Variants in SYTL3 observed in about 807,000 individuals in gnomAD.
The protein encoded by SYTL3 is synaptotagmin like 3, also known as synaptotagmin-like protein 3.
Under a neutral mutation model 82.1 loss-of-function variants are expected in SYTL3, and 88 were observed. The ratio of observed to expected loss-of-function variants is 1.07; its 90% confidence interval spans 0.90 to 1.28. The LOEUF is 1.28. Among genes scored for constraint, SYTL3 ranks in the 50% most tolerant of loss-of-function variants. The pLI is 0.00. For synonymous variants in SYTL3, 311 were observed against 289.4 expected (o/e 1.07, Z -0.76); for missense variants, 831 against 757.6 (o/e 1.10, Z -1.14).
intron 9 of SYTL3, among the ~76,000 whole-genome samples, chr6:158,717,836 C>T (rs896828400): frequency 3.9e-5 from 6 of 152,164 alleles, no homozygotes; most frequent in Admixed American, 3.9e-4. Flanking sequence ...CTGACCATGG[C>T]CTGGGTGGCC....
At chr6:158,697,670 A>G (rs1300608394) in intron 6 of SYTL3, among the ~76,000 whole-genome samples, 1 of 151,204 alleles carries the variant, frequency 6.6e-6, no homozygotes, top group Non-Finnish European at 1.5e-5. Flanking sequence ...CATCTAGAAT[A>G]TATAGAGAGC....
intron 12 of SYTL3, 83 bp from the exon 13 acceptor site, chr6:158,751,845 T>G: frequency 9.8e-7 from 1 of 1,020,696 alleles, no homozygotes; most frequent in Non-Finnish European, 1.4e-6. Flanking sequence ...AACGCTGGCA[T>G]GTGGGTTCTC....
chr6:158,736,653 T>G (rs1374060839), intron 11 of SYTL3, among the ~76,000 whole-genome samples: 1 of 151,906 alleles, frequency 6.6e-6, no homozygotes, highest in Non-Finnish European at 1.5e-5. Flanking sequence ...CCAGGCATGG[T>G]GGCAGGTGCC....
Position 158,693,844 on chromosome 6 carries a change from C to CTTTTACTTTTTTTTTTTTTTTTTTTT in SYTL3, c.394+10859_394+10860insACTTTTTTTTTTTTTTTTTTTTTTTT, listed in dbSNP as rs763990639. Among the ~76,000 whole-genome samples the CTTTTACTTTTTTTTTTTTTTTTTTTT allele has an allele frequency of 1.8e-3, 102 of 55,578 alleles. 7 individuals carry two copies. Among genetic ancestry groups the CTTTTACTTTTTTTTTTTTTTTTTTTT allele is most frequent in the Middle Eastern group, 8.6e-3 (1 of 116 alleles). 36.5% of individuals were successfully genotyped at this position (55,578 alleles called of 152,430 possible). On this transcript the variant is annotated intron_variant, in intron 6 of 17. Coordinates refer to ENST00000611299, the MANE Select transcript of SYTL3 (RefSeq NM_001242394.2). ...AGGTGTGCCACTGCATCCAGCCTTT[C>CTTTTACTTTTTTTTTTTTTTTTTTTT]TTTTTCTTTTCTTTTTTTTTTTTTT... is the stretch of plus-strand genomic sequence containing the variant.
chr6:158,649,230 G>A (rs986872683), upstream of SYTL3, among the ~76,000 whole-genome samples: 7 of 152,196 alleles, frequency 4.6e-5, no homozygotes, highest in Non-Finnish European at 1.5e-5. Context: ...TAGGTTAGCT[G>A]CAGAAACAAA....
In SYTL3 at chr6:158,764,661, A is replaced by C. The variant is rs544118222; in HGVS notation, c.*57A>C. 6.2e-6 allele frequency: 8 copies of C among 1,281,504 alleles called. No individual in the cohort carries two copies. The East Asian group carries it at 1.9e-4, about 30-fold the overall frequency. 79.4% of individuals were successfully genotyped at this position (1,281,504 alleles called of 1,614,324 possible). A position where few individuals can be genotyped will look rare whatever the true frequency, so the allele number is the denominator to read the frequency against. Reference sequence around the variant, plus strand: ...GGCGTGAGGCACTGTGCGTCTGCAGAGGGGCTACGAACCAGGTGCAGGGTC... The same window carrying C: ...GGCGTGAGGCACTGTGCGTCTGCAGCGGGGCTACGAACCAGGTGCAGGGTC... On this transcript the variant is annotated 3_prime_UTR_variant, in exon 18 of 18. Coordinates refer to ENST00000611299, the MANE Select transcript of SYTL3 (RefSeq NM_001242394.2).
chr6:158,763,031 C>T (rs1189966451), intron 16 of SYTL3, among the ~76,000 whole-genome samples: 1 of 152,206 alleles, frequency 6.6e-6, no homozygotes, highest in African/African-American at 2.4e-5. Context: ...TAACGTGTAT[C>T]TGCAGTCATG....
At chr6:158,671,815 A>G (rs2128384402) in intron 5 of SYTL3, among the ~76,000 whole-genome samples, 1 of 151,810 alleles carries the variant, frequency 6.6e-6, no homozygotes, top group South Asian at 2.1e-4. Context: ...TATTATCTAT[A>G]TGTTATACAG....
intron 6 of SYTL3, among the ~76,000 whole-genome samples, chr6:158,694,435 C>T (rs1780345761): frequency 6.6e-6 from 1 of 151,966 alleles, no homozygotes. Flanking sequence ...ACTGGGACCA[C>T]AGGTGCACAC....
At chr6:158,764,230 A>C (rs1189348686) in intron 17 of SYTL3, among the ~76,000 whole-genome samples, 1 of 152,180 alleles carries the variant, frequency 6.6e-6, no homozygotes, top group Non-Finnish European at 1.5e-5. Context: ...CCAGCCCACC[A>C]AACCAGAGTC....
At chr6:158,764,199 A>G (rs983069796) in intron 17 of SYTL3, among the ~76,000 whole-genome samples, 17 of 152,134 alleles carry the variant, frequency 1.1e-4, no homozygotes, top group African/African-American at 3.9e-4. Context: ...GTGTGCAACT[A>G]TCCACTCCCT....
chr6:158,651,296 A>T (rs1391693738), intron 1 of SYTL3, among the ~76,000 whole-genome samples: 1 of 152,174 alleles, frequency 6.6e-6, no homozygotes, highest in African/African-American at 2.4e-5. Context: ...GAAGGATATA[A>T]TAATATTAAT....
intron 6 of SYTL3, among the ~76,000 whole-genome samples, chr6:158,700,699 G>C (rs756231278): frequency 2.0e-4 from 31 of 152,106 alleles, no homozygotes; most frequent in Middle Eastern, 3.4e-3. Flanking sequence ...TCACTGCAAG[G>C]TCCGCCTCCT....
intron 7 of SYTL3, 41 bp downstream of exon 7, chr6:158,707,322 G>GGC: frequency 1.3e-6 from 2 of 1,590,410 alleles, no homozygotes; most frequent in South Asian, 1.1e-5. Context: ...GCCCTCCGGG[G>GGC]CAGGAGCGCA....
upstream of SYTL3, among the ~76,000 whole-genome samples, chr6:158,648,590 C>CAAAAA (rs869171730): frequency 1.6e-4 from 21 of 131,412 alleles, no homozygotes; most frequent in African/African-American, 3.7e-4. Flanking sequence ...GACTCGGTCT[C>CAAAAA]AAAAAAAAAA....
chr6:158,682,720 G>A (rs1445896170), intron 5 of SYTL3, among the ~76,000 whole-genome samples: 1 of 152,100 alleles, frequency 6.6e-6, no homozygotes, highest in African/African-American at 2.4e-5. Flanking sequence ...CATAGCGGTG[G>A]GAGTTGCACA....
intron 11 of SYTL3, among the ~76,000 whole-genome samples, chr6:158,738,402 C>T (rs546010472): frequency 7.9e-5 from 12 of 152,122 alleles, no homozygotes; most frequent in East Asian, 1.9e-4. Context: ...ATTAACCAAC[C>T]GCATTTGCAC....
At chr6:158,678,035 G>A (rs317790) in intron 5 of SYTL3, among the ~76,000 whole-genome samples, 10,907 of 152,144 alleles carry the variant, frequency 0.072, 458 homozygotes, top group Middle Eastern at 0.12. Flanking sequence ...GACTACTGGC[G>A]TGCACCACCA....
At chr6:158,730,906 TAGTC>T (rs1224800529) in intron 11 of SYTL3, among the ~76,000 whole-genome samples, 26 of 152,232 alleles carry the variant, frequency 1.7e-4, no homozygotes, top group African/African-American at 5.5e-4. Flanking sequence ...AAGTATTCCT[TAGTC>T]AGGATGTCTT....
Sources: allele counts gnomAD v4.1 joint callset (sites outside exome capture counted in the v4.1 genomes callset), GRCh38; gene constraint gnomAD v4.1.1; transcripts MANE v1.5; gene names NCBI Gene and HGNC (gene_info 2026-07-23, HGNC 2026-07-21).